Variants in TRPM3 observed in about 807,000 individuals in gnomAD.
The protein encoded by TRPM3 is transient receptor potential cation channel subfamily M member 3, also known as long transient receptor potential channel 3.
In TRPM3, 77 loss-of-function variants were observed where a neutral mutation model predicts 181.2. The ratio of observed to expected loss-of-function variants is 0.42; its 90% CI spans 0.35 to 0.51. The LOEUF (loss-of-function observed/expected upper bound fraction) is 0.51. TRPM3 is among the 20% of genes least tolerant of loss of function. The pLI is 0.01. For missense variants in TRPM3, 1,759 were observed against 2,196.7 expected (o/e 0.80, Z 3.98); for synonymous variants, 745 against 796.4 (o/e 0.94, Z 1.09).
intron 1 of TRPM3, among the ~76,000 whole-genome samples, chr9:71,326,989 T>C (rs527708013): frequency 6.6e-6 from 1 of 152,304 alleles, no homozygotes; most frequent in East Asian, 1.9e-4. Flanking sequence ...ACCGTGTCTC[T>C]AGATAAGGCT....
At chr9:70,912,195 G>C (rs2096544725) in intron 1 of TRPM3, among the ~76,000 whole-genome samples, 1 of 152,160 alleles carries the variant, frequency 6.6e-6, no homozygotes, top group Non-Finnish European at 1.5e-5. Flanking sequence ...TATTTAAAAG[G>C]ATAAATGTAA....
At position 70,908,188 on chromosome 9, in the gene TRPM3, G is replaced by A. The variant is rs193001339; in HGVS notation, c.178-43677C>T. ...ATCAGTTAGTTGACAAAAATCGTAT[G>A]AGCAGAGGCTCCCAGGAACCTGTGT... On this transcript the variant is annotated intron_variant, in intron 1 of 25. Coordinates refer to ENST00000677713, the MANE Select transcript of TRPM3 (RefSeq NM_001366145.2). Among the ~76,000 whole-genome samples the A allele has an allele frequency of 2.6e-3, 400 of 152,314 alleles. 2 individuals are homozygous for A. Among genetic ancestry groups the A allele is most frequent in the African/African-American group, 9.3e-3 (386 of 41,566 alleles).
At chr9:71,019,299 G>C (rs182766208) in intron 1 of TRPM3, among the ~76,000 whole-genome samples, 54 of 151,828 alleles carry the variant, frequency 3.6e-4, no homozygotes, top group African/African-American at 1.1e-3. Flanking sequence ...TATTGGAAAG[G>C]AACTAATAAA....
At chr9:71,264,223 C>T (rs1021387252) in intron 1 of TRPM3, among the ~76,000 whole-genome samples, 1 of 152,090 alleles carries the variant, frequency 6.6e-6, no homozygotes, top group Non-Finnish European at 1.5e-5. Context: ...ACACACCCCA[C>T]AAAAAGGGCC....
At chr9:71,242,361 G>A (rs2081759297) in intron 1 of TRPM3, among the ~76,000 whole-genome samples, 1 of 152,138 alleles carries the variant, frequency 6.6e-6, no homozygotes, top group Admixed American at 6.6e-5. Flanking sequence ...AGAACACTCT[G>A]TATAACTACA....
chr9:71,121,084 TC>T, intron 1 of TRPM3, 93 bp downstream of exon 1: 5 of 1,279,042 alleles, frequency 3.9e-6, no homozygotes, highest in Non-Finnish European at 5.5e-6. Flanking sequence ...GCATTTAGGC[TC>T]CCCCAAAGGT....
At chr9:70,765,281 A>G (rs2078896620) in intron 7 of TRPM3, among the ~76,000 whole-genome samples, 1 of 152,208 alleles carries the variant, frequency 6.6e-6, no homozygotes, top group Non-Finnish European at 1.5e-5. Context: ...CACAAAGTGC[A>G]TTAAGTAGTT....
chr9:70,535,798 C>A lies in TRPM3; in HGVS notation c.*155G>T. 2 of 1,493,994 alleles carry A rather than the reference C, an allele frequency of 1.3e-6. No individual in the cohort carries two copies. Among genetic ancestry groups the A allele is most frequent in the Non-Finnish European group, 1.8e-6 (2 of 1,130,466 alleles). The allele number at this position is 1,493,994 out of a possible 1,614,324, so 92.5% of individuals were successfully genotyped here. A position where few individuals can be genotyped will look rare whatever the true frequency, so the allele number is the denominator to read the frequency against. On this transcript the variant is annotated 3_prime_UTR_variant, in exon 26 of 26. Coordinates refer to ENST00000677713, the MANE Select transcript of TRPM3 (RefSeq NM_001366145.2). ...TCAAATGCTTTCTTGATCTGTGGCC[C>A]AGAAGTCACCTTTGAGTTAACACCT... is the stretch of plus-strand genomic sequence containing the variant.
chr9:71,304,043 G>A (rs1364048529), intron 1 of TRPM3, among the ~76,000 whole-genome samples: 2 of 152,012 alleles, frequency 1.3e-5, no homozygotes, highest in African/African-American at 2.4e-5. Context: ...TAATATGTTA[G>A]TAACTCACAC....
At chr9:71,297,638 C>T (rs533687690) in intron 1 of TRPM3, among the ~76,000 whole-genome samples, 1 of 152,158 alleles carries the variant, frequency 6.6e-6, no homozygotes. Flanking sequence ...TCCCATGATT[C>T]AATTACCTCC....
intron 18 of TRPM3, among the ~76,000 whole-genome samples, chr9:70,614,068 A>AC (rs1420594766): frequency 6.6e-6 from 1 of 152,138 alleles, no homozygotes; most frequent in Admixed American, 6.5e-5. Context: ...ATTCTCTCTC[A>AC]CCCTTAACCT....
rs1047116487 is a variant in TRPM3, at chr9:71,302,758, T to A, written c.183+143895A>T. Among the ~76,000 whole-genome samples the A allele has an allele frequency of 1.1e-4, 16 of 150,134 alleles. No homozygotes were observed. In the East Asian group the frequency reaches 3.1e-3, roughly 29 times the overall value. Reference sequence around the variant, plus strand: ...CAGCATAGAGATTATTAATGTCAATTGCAGAATATGGAATAAATATTCTAA... The same window carrying A: ...CAGCATAGAGATTATTAATGTCAATAGCAGAATATGGAATAAATATTCTAA... On this transcript the variant is annotated intron_variant, in intron 1 of 24. Transcript: ENST00000357533.
rs750067440 is a variant in TRPM3 at position 70,532,337 on chromosome 9, G to C, written c.*3616C>G. 1 of 152,068 alleles carries C rather than the reference G, an allele frequency of 6.6e-6. No individual in the cohort carries two copies. The highest frequency in any genetic ancestry group is 1.5e-5 in the Non-Finnish European group (1 of 68,022). The allele number at this position is 152,068 out of a possible 1,614,324, so 9.4% of individuals were successfully genotyped here. On this transcript the variant is annotated 3_prime_UTR_variant, in exon 26 of 26. Coordinates refer to ENST00000677713, the MANE Select transcript of TRPM3 (RefSeq NM_001366145.2). ...GAAGAAACACATTTTGTGTTTTTAT[G>C]AGTACATTTTTCTCGTTTGATTATT...
At chr9:71,061,234 C>T (rs748920682) in intron 1 of TRPM3, among the ~76,000 whole-genome samples, 1 of 152,074 alleles carries the variant, frequency 6.6e-6, no homozygotes, top group Admixed American at 6.6e-5. Flanking sequence ...AAGAGGTGGA[C>T]AGAGGCCACT....
At chr9:71,157,058 C>T (rs1472723437) in intron 1 of TRPM3, among the ~76,000 whole-genome samples, 3 of 152,164 alleles carry the variant, frequency 2.0e-5, no homozygotes, top group African/African-American at 7.2e-5. Context: ...CTCCTTCCCA[C>T]ACACATGGAT....
At position 70,883,330 on chromosome 9, in the gene TRPM3, C is replaced by T. The variant is rs185354427; in HGVS notation, c.178-18819G>A. ...TATAATCCCTTTTCTGAAATTTGAACTTAGAAACTTACAGGAGGCATGGAA... is the reference window on the plus strand; with the variant it reads ...TATAATCCCTTTTCTGAAATTTGAATTTAGAAACTTACAGGAGGCATGGAA... On this transcript the variant is annotated intron_variant, in intron 1 of 25. Transcript: ENST00000677713. Among the ~76,000 whole-genome samples the T allele has an allele frequency of 2.0e-3, 305 of 152,280 alleles. 2 individuals are homozygous for T. The highest frequency in any genetic ancestry group is 6.9e-3 in the African/African-American group (287 of 41,556).
intron 1 of TRPM3, among the ~76,000 whole-genome samples, chr9:71,006,622 C>G (rs1056901319): frequency 2.0e-5 from 3 of 152,076 alleles, no homozygotes; most frequent in African/African-American, 7.2e-5. Flanking sequence ...GTAATCTCAG[C>G]ACTTTGGGAG....
chr9:70,869,470 C>G (rs544979550), intron 1 of TRPM3, among the ~76,000 whole-genome samples: 1 of 151,824 alleles, frequency 6.6e-6, no homozygotes, highest in South Asian at 2.1e-4. Flanking sequence ...ATGAATGATC[C>G]TAGTGGTTGG....
chr9:70,653,463 G>A (rs1261957202), intron 9 of TRPM3, among the ~76,000 whole-genome samples: 1 of 151,860 alleles, frequency 6.6e-6, no homozygotes, highest in African/African-American at 2.4e-5. Flanking sequence ...GTTGTTTGGG[G>A]ATATGGTTTT....
Sources: allele counts gnomAD v4.1 joint callset (sites outside exome capture counted in the v4.1 genomes callset), GRCh38; gene constraint gnomAD v4.1.1; transcripts MANE v1.5; gene names NCBI Gene and HGNC (gene_info 2026-07-23, HGNC 2026-07-21).